CIRSR: variants seen among roughly 807,000 people sequenced by gnomAD.
CIRSR encodes CBF1 (RBPJ) interacting corepressor 1.
chr2:174,380,147 A>G, the CIRSR span: 1 of 1,226,438 alleles, frequency 8.2e-7, no homozygotes. Flanking sequence ...AACAATATAA[A>G]GATACATTTA....
At chr2:174,377,846 A>C in the CIRSR span, among the ~76,000 whole-genome samples, 1 of 151,288 alleles carries the variant, frequency 6.6e-6, no homozygotes, top group Non-Finnish European at 1.5e-5. Context: ...AAAAAAAAAA[A>C]ACCAAACTTA....
chr2:174,356,522 A>AGGAAGGAAGGAAGGAAG, the CIRSR span, among the ~76,000 whole-genome samples: 57 of 135,592 alleles, frequency 4.2e-4, 1 homozygote, highest in East Asian at 3.4e-3. Flanking sequence ...GAAGAAAGAA[A>AGGAAGGAAGGAAGGAAG]GAAAGAAGAA....
chr2:174,380,535 A>G, the CIRSR span: 2 of 915,070 alleles, frequency 2.2e-6, no homozygotes, highest in South Asian at 1.7e-5. Context: ...ATCATTAAAG[A>G]TAACTTTTCA....
chr2:174,366,447 G>T, the CIRSR span, among the ~76,000 whole-genome samples: 1 of 152,106 alleles, frequency 6.6e-6, no homozygotes, highest in African/African-American at 2.4e-5. Flanking sequence ...AGTATCTAGT[G>T]CAAGTATCCT....
At chr2:174,381,354 C>T in the CIRSR span, among the ~76,000 whole-genome samples, 1 of 151,976 alleles carries the variant, frequency 6.6e-6, no homozygotes, top group Non-Finnish European at 1.5e-5. Context: ...ACATCAAAGA[C>T]TTAAAAGAAA....
the CIRSR span, among the ~76,000 whole-genome samples, chr2:174,386,370 C>A: frequency 1.3e-5 from 2 of 152,072 alleles, no homozygotes; most frequent in South Asian, 2.1e-4. Flanking sequence ...TTAGTAGAAA[C>A]GGGGTTTCTC....
chr2:174,370,921 A>G, the CIRSR span, among the ~76,000 whole-genome samples: 29 of 151,860 alleles, frequency 1.9e-4, no homozygotes, highest in East Asian at 9.7e-4. Context: ...AAAAAAAAAA[A>G]AAAAGAAAAG....
chr2:174,364,809 C>G, the CIRSR span, among the ~76,000 whole-genome samples: 1 of 152,198 alleles, frequency 6.6e-6, no homozygotes, highest in African/African-American at 2.4e-5. Context: ...GCACAGAACC[C>G]TGGGCCTGGC....
the CIRSR span, among the ~76,000 whole-genome samples, chr2:174,363,906 T>TG: frequency 2.6e-5 from 4 of 152,108 alleles, no homozygotes; most frequent in Non-Finnish European, 1.5e-5. Flanking sequence ...ATCCCACCCC[T>TG]GGCCCTTCCC....
the CIRSR span, among the ~76,000 whole-genome samples, chr2:174,355,970 C>T: frequency 6.6e-6 from 1 of 152,150 alleles, no homozygotes; most frequent in South Asian, 2.1e-4. Context: ...GTTCATCATT[C>T]TTTTCTTTAG....
At chr2:174,348,988 T>C in the CIRSR span, 1 of 1,598,494 alleles carries the variant, frequency 6.3e-7, no homozygotes, top group Admixed American at 1.8e-5. Flanking sequence ...CTTTGTATTT[T>C]TTTTTCTTTA....
chr2:174,394,058 TAC>T, the CIRSR span, among the ~76,000 whole-genome samples: 1 of 152,216 alleles, frequency 6.6e-6, no homozygotes, highest in Admixed American at 6.5e-5. Context: ...CATAACACTT[TAC>T]ACAGATGAGA....
At chr2:174,382,240 A>G in the CIRSR span, among the ~76,000 whole-genome samples, 2 of 152,226 alleles carry the variant, frequency 1.3e-5, no homozygotes, top group Non-Finnish European at 2.9e-5. Context: ...TTTGGAAAAA[A>G]TAAGTCTCTC....
At chr2:174,348,427 C>T in the CIRSR span, 1 of 1,522,764 alleles carries the variant, frequency 6.6e-7, no homozygotes, top group South Asian at 1.3e-5. Context: ...TAAAGGTATT[C>T]AATAAAAAAG....
chr2:174,364,394 C>T, the CIRSR span, among the ~76,000 whole-genome samples: 1 of 152,212 alleles, frequency 6.6e-6, no homozygotes, highest in East Asian at 1.9e-4. Context: ...GCACACTGTG[C>T]AAGCTGTCAG....
chr2:174,390,541 TG>T, the CIRSR span, among the ~76,000 whole-genome samples: 7 of 152,220 alleles, frequency 4.6e-5, no homozygotes, highest in Admixed American at 4.6e-4. Flanking sequence ...GAGTTAATGC[TG>T]GAATGAGTTA....
At chr2:174,376,001 G>C in the CIRSR span, among the ~76,000 whole-genome samples, 1 of 152,120 alleles carries the variant, frequency 6.6e-6, no homozygotes, top group African/African-American at 2.4e-5. Context: ...GTGACTACAG[G>C]TGCAGACCAC....
At chr2:174,390,710 T>C in the CIRSR span, among the ~76,000 whole-genome samples, 1 of 152,164 alleles carries the variant, frequency 6.6e-6, no homozygotes, top group Non-Finnish European at 1.5e-5. Flanking sequence ...AGGAACCCGA[T>C]GGGAGGTAAC....
At chr2:174,391,300 T>G in the CIRSR span, among the ~76,000 whole-genome samples, 2 of 152,154 alleles carry the variant, frequency 1.3e-5, no homozygotes, top group African/African-American at 2.4e-5. Flanking sequence ...CCCAGAGATA[T>G]AAAATAGAAC....
Sources: gnomAD v4.1 joint callset for allele counts (sites outside exome capture counted in the v4.1 genomes callset) on GRCh38, gnomAD v4.1.1 for gene constraint, MANE v1.5 for transcripts, NCBI Gene and HGNC (gene_info 2026-07-23, HGNC 2026-07-21) for gene names.